The following HSD17B7 variants were observed in gnomAD, a reference collection of about 807,000 sequenced individuals.
HSD17B7 encodes hydroxysteroid 17-beta dehydrogenase 7, also known as 3-keto-steroid reductase/17-beta-hydroxysteroid dehydrogenase 7.
In HSD17B7, 17 loss-of-function variants were observed where a neutral mutation model predicts 34.1. The ratio of observed to expected loss-of-function variants is 0.50; its 90% CI spans 0.34 to 0.75. The LOEUF is 0.75. HSD17B7 is among the 30% of genes least tolerant of loss of function. The pLI is 0.01. For synonymous variants in HSD17B7, 122 were observed against 154.6 expected (o/e 0.79, Z 1.56); for missense variants, 296 against 406.6 (o/e 0.73, Z 2.34).
chr1:162,802,911 A>G (rs1648859966), intron 5 of HSD17B7: 1 of 152,642 alleles, frequency 6.6e-6, no homozygotes, highest in East Asian at 1.9e-4. Flanking sequence ...GTGATAGCAC[A>G]TACAGCCTAA....
chr1:162,811,381 A>G (rs1649165742), intron 8 of HSD17B7, among the ~76,000 whole-genome samples: 1 of 152,158 alleles, frequency 6.6e-6, no homozygotes, highest in Non-Finnish European at 1.5e-5. Flanking sequence ...TGCCCTTAAA[A>G]ATGTTATTTT....
chr1:162,802,987 A>G (rs1648863547), intron 5 of HSD17B7: 1 of 154,804 alleles, frequency 6.5e-6, no homozygotes, highest in Admixed American at 6.4e-5. Context: ...ACAGACACAT[A>G]CTTTAGGTTT....
chr1:162,791,308 C>T (rs561682365), intron 1 of HSD17B7, among the ~76,000 whole-genome samples: 1 of 149,534 alleles, frequency 6.7e-6, no homozygotes, highest in Admixed American at 6.6e-5. Context: ...TAGCTCAGTG[C>T]TAGAGAGCTA....
At chr1:162,793,713 A>G (rs1443420372) in intron 2 of HSD17B7, among the ~76,000 whole-genome samples, 1 of 152,228 alleles carries the variant, frequency 6.6e-6, no homozygotes, top group Non-Finnish European at 1.5e-5. Flanking sequence ...CATTTTTTAC[A>G]TCTTTCTTCA....
At chr1:162,801,390 A>G (rs1252889398) in intron 5 of HSD17B7, among the ~76,000 whole-genome samples, 2 of 152,156 alleles carry the variant, frequency 1.3e-5, no homozygotes, top group African/African-American at 4.8e-5. Flanking sequence ...TCCTCATCTG[A>G]AAAATAGGGA....
At chr1:162,804,213 T>C in intron 6 of HSD17B7, 54 bp from the exon 7 acceptor site, 2 of 1,300,006 alleles carry the variant, frequency 1.5e-6, no homozygotes, top group South Asian at 2.6e-5. Flanking sequence ...GAATAATTCT[T>C]TCGTGACTCT....
At chr1:162,795,516 A>T (rs1219399953) in intron 2 of HSD17B7, 1 of 371,346 alleles carries the variant, frequency 2.7e-6, no homozygotes, top group Non-Finnish European at 5.4e-6. Context: ...ACAATGGATG[A>T]ACTCACACTA....
intron 3 of HSD17B7, among the ~76,000 whole-genome samples, chr1:162,796,903 T>C (rs1396847656): frequency 6.6e-6 from 1 of 152,212 alleles, no homozygotes; most frequent in Non-Finnish European, 1.5e-5. Context: ...CAGGACATTC[T>C]AAATGGTTTA....
At chr1:162,802,264 A>T (rs1648838014) in intron 5 of HSD17B7, among the ~76,000 whole-genome samples, 1 of 152,220 alleles carries the variant, frequency 6.6e-6, no homozygotes, top group Admixed American at 6.5e-5. Context: ...AAAATTGTAT[A>T]TGTTGGAAAC....
chr1:162,800,773 TATC>T (rs1648782203), intron 5 of HSD17B7, among the ~76,000 whole-genome samples: 4 of 152,336 alleles, frequency 2.6e-5, no homozygotes, highest in African/African-American at 7.2e-5. Context: ...ACAAAAGACC[TATC>T]ATGTTTAGGG....
At chr1:162,797,525 A>G in intron 3 of HSD17B7, 2 of 283,584 alleles carry the variant, frequency 7.1e-6, no homozygotes, top group Non-Finnish European at 1.3e-5. Context: ...AGAGGTGAAG[A>G]GAATTTTAGC....
At chr1:162,806,695 T>C (rs1029419460) in intron 8 of HSD17B7, among the ~76,000 whole-genome samples, 1 of 152,228 alleles carries the variant, frequency 6.6e-6, no homozygotes, top group African/African-American at 2.4e-5. Context: ...TAGCTTACTT[T>C]AGGCTAGCAG....
intron 3 of HSD17B7, 78 bp downstream of exon 3, chr1:162,796,755 T>A (rs1163538106): frequency 1.0e-5 from 9 of 891,422 alleles, no homozygotes; most frequent in Middle Eastern, 2.1e-4. Context: ...CATGTTAAGT[T>A]GGGGGGATGA....
Position 162,809,752 on chromosome 1 carries a change from G to A in HSD17B7, c.904-2546G>A, listed in dbSNP as rs1205446816. On this transcript the variant is annotated intron_variant, in intron 8 of 8. Transcript: ENST00000254521. ...CTTCTAGATTTTCTAGTTTATTTGCGTAGAGGTGTTTATAGTATTCTCAGA... is the reference window on the plus strand; with the variant it reads ...CTTCTAGATTTTCTAGTTTATTTGCATAGAGGTGTTTATAGTATTCTCAGA... 1.2e-4 allele frequency among the ~76,000 whole-genome samples: 19 copies of A among 152,038 alleles called. No individual in the cohort carries two copies. In the South Asian group the frequency reaches 1.7e-3, roughly 13 times the overall value.
chr1:162,793,027 C>CTTTATT, intron 2 of HSD17B7, 165 bp downstream of exon 2: 3 of 319,796 alleles, frequency 9.4e-6, no homozygotes, highest in Non-Finnish European at 1.6e-5. Flanking sequence ...ACCACGTTTT[C>CTTTATT]TTTCTTTTTT....
Position 162,805,474 on chromosome 1 carries a change from T to A in HSD17B7, c.885T>A (p.Asn295Lys), listed in dbSNP as rs1648952022. Residue 295 changes from asparagine to lysine, a missense_variant, in exon 8 of 9, where the codon AAT becomes AAA. Coordinates refer to ENST00000254521, the MANE Select transcript of HSD17B7 (RefSeq NM_016371.4). ...GTGCCACCACTGGCTTTGGAAGAAA[T>A]TACATTATGACCCAGAAGGTAAATG... ...YLSATTGFGRNYIMTQKMDLD... is the reference protein window; with the variant it reads ...YLSATTGFGRKYIMTQKMDLD... 6.2e-7 allele frequency: 1 copy of A among 1,613,004 alleles called. No homozygotes were observed. Among genetic ancestry groups the A allele is most frequent in the Non-Finnish European group, 8.5e-7 (1 of 1,179,298 alleles).
Sources: allele counts gnomAD v4.1 joint callset (sites outside exome capture counted in the v4.1 genomes callset), GRCh38; gene constraint gnomAD v4.1.1; transcripts MANE v1.5; gene names NCBI Gene and HGNC (gene_info 2026-07-23, HGNC 2026-07-21).